Variants in STARD7 observed in about 807,000 individuals in gnomAD.
STARD7 encodes StAR related lipid transfer domain containing 7, also known as stAR-related lipid transfer protein 7, mitochondrial.
In STARD7, 30 loss-of-function variants were observed where a neutral mutation model predicts 45.3. The observed-to-expected ratio is 0.66, with a 90% CI of 0.50 to 0.90. The LOEUF (loss-of-function observed/expected upper bound fraction) is 0.90, where lower values mean the gene tolerates loss of function less well. Ranked by LOEUF, STARD7 falls within the 40% of genes least tolerant of loss-of-function variation. The probability of loss-of-function intolerance (pLI) is 0.00; values close to 1 mark genes in which losing one functional copy is unlikely to be tolerated. For synonymous variants in STARD7, 199 were observed against 183.0 expected (o/e 1.09, Z -0.70); for missense variants, 495 against 491.3 (o/e 1.01, Z -0.07).
chr2:96,192,359 T>A lies in STARD7; in HGVS notation c.843+10A>T, dbSNP rs753883995. On this transcript the variant is annotated intron_variant, in intron 6 of 7. Transcript: ENST00000337288. ...ATGACATGTTATCTCTTGGATGAGG[T>A]AAAACTCACCTCATCAAATGACTTG... The A allele has an allele frequency of 6.2e-7, 1 of 1,603,160 alleles. No individual in the cohort carries two copies. The highest frequency in any genetic ancestry group is 8.5e-7 in the Non-Finnish European group (1 of 1,170,224).
chr2:96,195,649 C>T, intron 1 of STARD7, 100 bp from the exon 2 acceptor site: 4 of 831,206 alleles, frequency 4.8e-6, no homozygotes, highest in Middle Eastern at 2.2e-4. Flanking sequence ...CAGTAAACCA[C>T]AGTATGTAGT....
In STARD7 at chr2:96,195,276, G is replaced by A. The variant is rs1479200104; in HGVS notation, c.499+65C>T. On this transcript the variant is annotated intron_variant, in intron 2 of 7. Coordinates refer to ENST00000337288, the MANE Select transcript of STARD7 (RefSeq NM_020151.4). ...CAACCAGAACAGTTTAGAGAAGTAT[G>A]AAGAACAGAAATCCCATGCACCTGT... 11 of 1,363,042 alleles carry A rather than the reference G, an allele frequency of 8.1e-6. No homozygotes were observed. In the Admixed American group the frequency reaches 2.2e-4, roughly 27 times the overall value. The allele number at this position is 1,363,042 out of a possible 1,614,324, so 84.4% of individuals were successfully genotyped here.
At chr2:96,195,032 G>T in intron 2 of STARD7, 25 bp from the exon 3 acceptor site, 1 of 1,592,674 alleles carries the variant, frequency 6.3e-7, no homozygotes, top group East Asian at 2.3e-5. Flanking sequence ...AAGAATAAGG[G>T]ATGCTGGCCA....
chr2:96,189,470 C>T (rs13405362), intron 6 of STARD7, among the ~76,000 whole-genome samples: 1 of 152,052 alleles, frequency 6.6e-6, no homozygotes, highest in Non-Finnish European at 1.5e-5. Flanking sequence ...TCAGAAAGGC[C>T]GAGGCGGGCG....
intron 1 of STARD7, among the ~76,000 whole-genome samples, chr2:96,197,580 T>C (rs1683242742): frequency 6.6e-6 from 1 of 152,244 alleles, no homozygotes; most frequent in Non-Finnish European, 1.5e-5. Context: ...TGTTTTTAAA[T>C]TGATAAATTC....
At position 96,208,456 on chromosome 2, in the gene STARD7, C is replaced by T; in HGVS notation, c.-22G>A. On this transcript the variant is annotated 5_prime_UTR_variant, in exon 1 of 8. Transcript: ENST00000337288. Reference sequence around the variant, plus strand: ...GCATGCCGCCTCCCGCAGGGCCCGCCGCGAGCTTCCGGGGCCCAAGGAACC... The same window carrying T: ...GCATGCCGCCTCCCGCAGGGCCCGCTGCGAGCTTCCGGGGCCCAAGGAACC... The T allele has an allele frequency of 2.2e-6, 3 of 1,357,538 alleles. No individual in the cohort carries two copies. Among genetic ancestry groups the T allele is most frequent in the Non-Finnish European group, 2.8e-6 (3 of 1,064,856 alleles). The allele number at this position is 1,357,538 out of a possible 1,614,324, so 84.1% of individuals were successfully genotyped here.
At chr2:96,191,687 A>G (rs1683128256) in intron 6 of STARD7, among the ~76,000 whole-genome samples, 1 of 151,936 alleles carries the variant, frequency 6.6e-6, no homozygotes, top group South Asian at 2.1e-4. Flanking sequence ...GACCAACTCA[A>G]GTCCTTGAGG....
intron 6 of STARD7, 84 bp downstream of exon 6, chr2:96,192,285 C>T (rs1454805681): frequency 8.4e-6 from 9 of 1,071,082 alleles, no homozygotes; most frequent in Non-Finnish European, 1.0e-5. Context: ...GCGCCACACC[C>T]CCTCCTCCCT....
chr2:96,204,834 A>G (rs1242819799), intron 1 of STARD7, among the ~76,000 whole-genome samples: 1 of 151,950 alleles, frequency 6.6e-6, no homozygotes, highest in Non-Finnish European at 1.5e-5. Flanking sequence ...AGTTTAACAT[A>G]TCCCGAATGC....
At position 96,195,528 on chromosome 2, in the gene STARD7, C is replaced by G. The variant is rs916234066; in HGVS notation, c.312G>C (p.Arg104=). 7 of 1,613,310 alleles carry G rather than the reference C, an allele frequency of 4.3e-6. No homozygotes were observed. In the Admixed American group the frequency reaches 1.2e-4, roughly 27 times the overall value. The change falls in exon 2 of 8, where the codon CGG becomes CGC. Residue 104 remains arginine (R), a synonymous_variant. Coordinates refer to ENST00000337288, the MANE Select transcript of STARD7 (RefSeq NM_020151.4). The part of the protein sequence containing the change: ...ELQRSINEMK[R]LEEMSNMFQS... ...GAAACATATTTGACATTTCTTCCAACCGCTTCATCTCATTAATAGATCTGT... is the reference window on the plus strand; with the variant it reads ...GAAACATATTTGACATTTCTTCCAAGCGCTTCATCTCATTAATAGATCTGT...
chr2:96,195,918 G>C (rs776127840), intron 1 of STARD7, among the ~76,000 whole-genome samples: 1 of 151,874 alleles, frequency 6.6e-6, no homozygotes, highest in Non-Finnish European at 1.5e-5. Context: ...CTCAAAACCA[G>C]CCTGATCAAC....
chr2:96,193,374 T>A, intron 3 of STARD7, 22 bp from the exon 4 acceptor site: 2 of 1,528,094 alleles, frequency 1.3e-6, no homozygotes, highest in Non-Finnish European at 1.8e-6. Flanking sequence ...GAAAAGACCA[T>A]GAATACCCAA....
chr2:96,204,257 C>A (rs1018598437), intron 1 of STARD7, among the ~76,000 whole-genome samples: 7 of 150,862 alleles, frequency 4.6e-5, no homozygotes, highest in African/African-American at 1.7e-4. Flanking sequence ...GAGATTATGT[C>A]TTAAGAAAAA....
chr2:96,201,409 T>TAAAAAAAAAAAAAAAAAAAAA (rs60808208), intron 1 of STARD7, among the ~76,000 whole-genome samples: 13 of 109,572 alleles, frequency 1.2e-4, no homozygotes, highest in African/African-American at 4.3e-4. Context: ...ACTCCACCTC[T>TAAAAAAAAAAAAAAAAAAAAA]AAAAAAAAAA....
At position 96,208,326 on chromosome 2, in the gene STARD7, G is replaced by A; in HGVS notation, c.109C>T (p.Arg37Cys). The change falls in exon 1 of 8, where the codon CGC becomes TGC. Residue 37 changes from arginine to cysteine, a missense_variant. Physicochemically the swap from Arg to Cys is radical, Grantham distance 180. This residue lies in a region of STARD7 where 282 missense variants were observed against 220.1 expected (regional missense o/e 1.28). Transcript: ENST00000337288. Reference sequence around the variant, plus strand: ...TAGAGCTGCGCGATCTGCTGCGCGCGCCGCACGCGCAGGCCCGTGACGAAG... The same window carrying A: ...TAGAGCTGCGCGATCTGCTGCGCGCACCGCACGCGCAGGCCCGTGACGAAG... ...CRFVTGLRVRRAQQIAQLYGR... is the reference protein window; with the variant it reads ...CRFVTGLRVRCAQQIAQLYGR... The A allele has an allele frequency of 1.2e-6, 2 of 1,604,034 alleles. No individual in the cohort carries two copies. The highest frequency in any genetic ancestry group is 1.7e-6 in the Non-Finnish European group (2 of 1,177,592).
chr2:96,188,266 CTTTTTTTTTTTTTTT>C (rs138935587), intron 6 of STARD7: 1 of 56,790 alleles, frequency 1.8e-5, no homozygotes, highest in African/African-American at 8.1e-5. Context: ...CAGACCAAGA[CTTTTTTTTTTTTTTT>C]TTTTTTTTTT....
Position 96,186,782 on chromosome 2 carries a change from G to T in STARD7, c.1061C>A (p.Ser354Tyr), listed in dbSNP as rs1281452228. The T allele has an allele frequency of 6.2e-7, 1 of 1,613,778 alleles. No homozygotes were observed. The stretch of plus-strand genomic sequence containing the variant: ...ACAGCTGCCCTCGTTCTTTCGCTCA[G>T]AGGACTGGCTGGTGGCCTTGGCTTC... ...SSEAKATSQSSERKNEGSCGP... is the reference protein window; with the variant it reads ...SSEAKATSQSYERKNEGSCGP... Residue 354 changes from serine to tyrosine, a missense_variant, in exon 8 of 8, where the codon TCT becomes TAT. Around this residue, in one of 2 missense-constraint regions of STARD7, gnomAD observed 213 missense variants for 271.2 expected, o/e 0.79. Transcript: ENST00000337288.
At chr2:96,187,181 C>G (rs776770467) in intron 7 of STARD7, 36 bp downstream of exon 7, 79 of 1,478,310 alleles carry the variant, frequency 5.3e-5, no homozygotes, top group Non-Finnish European at 3.2e-5. Context: ...AATGCTCAAC[C>G]CAGGTTCCAG....
chr2:96,192,737 C>T (rs1251103231), intron 5 of STARD7, among the ~76,000 whole-genome samples: 2 of 152,160 alleles, frequency 1.3e-5, no homozygotes, highest in African/African-American at 4.8e-5. Flanking sequence ...CTGGACCACA[C>T]TGTGAAACCC....
Sources: allele counts gnomAD v4.1 joint callset (sites outside exome capture counted in the v4.1 genomes callset), GRCh38; gene constraint gnomAD v4.1.1; regional missense constraint gnomAD v4.1.1; transcripts MANE v1.5; gene names NCBI Gene and HGNC (gene_info 2026-07-23, HGNC 2026-07-21).